RERE: variants seen among roughly 807,000 people sequenced by gnomAD.
RERE encodes the protein arginine-glutamic acid dipeptide repeats.
RERE carries 40 observed loss-of-function variants against 146.1 expected under a neutral mutation model. That is an observed-to-expected ratio of 0.27 (90% confidence interval 0.21 to 0.36). RERE has a LOEUF of 0.36. RERE is among the 10% of genes least tolerant of loss of function. The pLI, the probability that RERE is intolerant of heterozygous loss-of-function variation, is 1.00. For synonymous variants in RERE, 1,003 were observed against 866.0 expected, an observed-to-expected ratio of 1.16 and a Z score of -2.78; for missense variants, 1,933 against 2,138.7, an observed-to-expected ratio of 0.90 and a Z score of 1.90.
At chr1:8,371,726 C>T (rs889833717) in intron 12 of RERE, among the ~76,000 whole-genome samples, 2 of 152,214 alleles carry the variant, frequency 1.3e-5, no homozygotes, top group African/African-American at 4.8e-5. Context: ...CTCCCTCCGC[C>T]GCCTGGGCAA....
At chr1:8,427,608 C>G (rs1644032429) in intron 11 of RERE, among the ~76,000 whole-genome samples, 1 of 122,944 alleles carries the variant, frequency 8.1e-6, no homozygotes, top group Non-Finnish European at 1.6e-5. Context: ...ATAATGCTAT[C>G]AAGAGCAAAA....
At chr1:8,793,523 G>T (rs1641407921) in intron 1 of RERE, among the ~76,000 whole-genome samples, 1 of 152,186 alleles carries the variant, frequency 6.6e-6, no homozygotes, top group African/African-American at 2.4e-5. Context: ...CAAGGAATTT[G>T]TCAGCACCTG....
chr1:8,486,106 C>G (rs564081972), intron 10 of RERE, among the ~76,000 whole-genome samples: 1 of 152,062 alleles, frequency 6.6e-6, no homozygotes, highest in African/African-American at 2.4e-5. Flanking sequence ...CCTACAATCA[C>G]TATTGAAGAC....
intron 3 of RERE, among the ~76,000 whole-genome samples, chr1:8,615,868 T>C (rs866643792): frequency 2.6e-5 from 4 of 152,160 alleles, no homozygotes; most frequent in Admixed American, 6.5e-5. Flanking sequence ...TCATTTTCTT[T>C]TCTTTTTCTA....
intron 7 of RERE, chr1:8,525,726 C>A (rs778002941): frequency 8.9e-6 from 14 of 1,574,676 alleles, no homozygotes; most frequent in Non-Finnish European, 1.2e-5. Context: ...AAACCCATCA[C>A]TGTTTCGGTG....
At chr1:8,687,193 TATG>T (rs1235159060) in intron 1 of RERE, among the ~76,000 whole-genome samples, 1 of 152,072 alleles carries the variant, frequency 6.6e-6, no homozygotes, top group African/African-American at 2.4e-5. Context: ...ACATCAACAT[TATG>T]AGAGACAGGA....
chr1:8,455,293 G>A (rs555846870), intron 11 of RERE, among the ~76,000 whole-genome samples: 1 of 152,162 alleles, frequency 6.6e-6, no homozygotes, highest in South Asian at 2.1e-4. Context: ...CCAGGCTGGA[G>A]TGCAGTGGCG....
chr1:8,363,306 A>C (rs953027866), intron 15 of RERE, among the ~76,000 whole-genome samples: 1 of 152,266 alleles, frequency 6.6e-6, no homozygotes, highest in African/African-American at 2.4e-5. Flanking sequence ...CTGTCAAGTA[A>C]AGCAGCTCAG....
chr1:8,439,656 C>G (rs1217675124), intron 11 of RERE, among the ~76,000 whole-genome samples: 1 of 152,168 alleles, frequency 6.6e-6, no homozygotes, highest in Non-Finnish European at 1.5e-5. Context: ...GGAACCACAC[C>G]CCCTGGCGGT....
chr1:8,592,135 A>G (rs1020207711), intron 4 of RERE, among the ~76,000 whole-genome samples: 1 of 152,202 alleles, frequency 6.6e-6, no homozygotes, highest in Non-Finnish European at 1.5e-5. Context: ...AACATCAACA[A>G]TTTAACTAAA....
Position 8,361,258 on chromosome 1 carries a change from G to A in RERE, c.2249C>T (p.Ala750Val). Residue 750 changes from alanine (A) to valine (V), a missense_variant, in exon 18 of 23, where the codon GCT becomes GTT. Ala to Val is a moderately conservative substitution (Grantham distance 64). Transcript: ENST00000400908. ...GGTCCCTGGAGGAGCTGAGGAGGGA[G>A]CTGGGGTGACCCCAGTGGGAGCCTG... ...ALQAPTGVTP[A>V]PSSAPPGTPQ... 2.5e-6 allele frequency: 4 copies of A among 1,579,444 alleles called. No individual in the cohort carries two copies. Among genetic ancestry groups the A allele is most frequent in the Non-Finnish European group, 3.4e-6 (4 of 1,164,424 alleles).
At chr1:8,574,808 G>A (rs944092208) in intron 4 of RERE, among the ~76,000 whole-genome samples, 3 of 152,136 alleles carry the variant, frequency 2.0e-5, no homozygotes, top group Non-Finnish European at 4.4e-5. Flanking sequence ...GGTAACCTCT[G>A]GAGTGCACAC....
In RERE at chr1:8,360,971, G is replaced by A. The variant is rs1570036923; in HGVS notation, c.2536C>T (p.Leu846=). 6 of 1,446,948 alleles carry A rather than the reference G, an allele frequency of 4.1e-6. No homozygotes were observed. Among genetic ancestry groups the A allele is most frequent in the Non-Finnish European group, 4.5e-6 (5 of 1,107,422 alleles). 89.6% of individuals were successfully genotyped at this position (1,446,948 alleles called of 1,614,324 possible). A position where few individuals can be genotyped will look rare whatever the true frequency, so the allele number is the denominator to read the frequency against. ...GGGCCGGGTGGGCCCTGACCGTGCA[G>A]TGGGGGCTGGGCATGAGAGGGTGCA... ...PSAPSHAQPP[L]HGQGPPGPHS... The change falls in exon 18 of 23, where the codon CTG becomes TTG. Residue 846 remains leucine (L), a synonymous_variant. Transcript: ENST00000400908.
chr1:8,496,282 G>C (rs943581020), intron 9 of RERE, among the ~76,000 whole-genome samples: 2 of 151,786 alleles, frequency 1.3e-5, no homozygotes, highest in African/African-American at 4.8e-5. Context: ...CAGGTAACTG[G>C]GGCAACACAG....
chr1:8,693,644 T>C (rs1188025962), intron 1 of RERE, among the ~76,000 whole-genome samples: 1 of 152,112 alleles, frequency 6.6e-6, no homozygotes, highest in Non-Finnish European at 1.5e-5. Context: ...CAGTAAAGAC[T>C]CTTCTATATG....
chr1:8,515,065 T>A (rs1645395831), intron 7 of RERE, among the ~76,000 whole-genome samples: 1 of 152,210 alleles, frequency 6.6e-6, no homozygotes, highest in Non-Finnish European at 1.5e-5. Context: ...GGTGTCTTTC[T>A]ATCCTGTGTT....
intron 1 of RERE, among the ~76,000 whole-genome samples, chr1:8,767,571 C>T (rs12032721): frequency 2.9e-3 from 426 of 148,454 alleles, no homozygotes; most frequent in Non-Finnish European, 4.9e-3. Context: ...CACCACTGCA[C>T]TCCAACCTGG....
intron 7 of RERE, among the ~76,000 whole-genome samples, chr1:8,516,011 G>A (rs1645409391): frequency 6.6e-6 from 1 of 151,868 alleles, no homozygotes; most frequent in African/African-American, 2.4e-5. Flanking sequence ...GAGGTCAGGA[G>A]TTCCAAAACA....
At chr1:8,719,089 A>G (rs1007638433) in intron 1 of RERE, among the ~76,000 whole-genome samples, 61 of 152,216 alleles carry the variant, frequency 4.0e-4, no homozygotes, top group African/African-American at 1.4e-3. Context: ...CAGCAAAATC[A>G]GCATTTTGCT....
Sources: gnomAD v4.1 joint callset for allele counts (sites outside exome capture counted in the v4.1 genomes callset) on GRCh38, gnomAD v4.1.1 for gene constraint, MANE v1.5 for transcripts, NCBI Gene and HGNC (gene_info 2026-07-23, HGNC 2026-07-21) for gene names.